LAMTOR2: variants seen among roughly 807,000 people sequenced by gnomAD.
LAMTOR2 encodes ragulator complex protein LAMTOR2.
A neutral mutation model predicts 15.8 loss-of-function variants in LAMTOR2; 4 were observed. That is an observed-to-expected ratio of 0.25 (90% CI 0.12 to 0.58). The LOEUF (loss-of-function observed/expected upper bound fraction) is 0.58, where lower values mean the gene tolerates loss of function less well. Ranked by LOEUF, LAMTOR2 falls within the 20% of genes least tolerant of loss-of-function variation. The pLI, the probability that LAMTOR2 is intolerant of heterozygous loss-of-function variation, is 0.91. For synonymous variants in LAMTOR2, 62 were observed against 64.1 expected, an observed-to-expected ratio of 0.97 and a Z score of 0.15; for missense variants, 100 against 161.0, an observed-to-expected ratio of 0.62 and a Z score of 2.05.
At chr1:156,056,101 T>C (rs1457270014) in intron 2 of LAMTOR2, 1 of 153,316 alleles carries the variant, frequency 6.5e-6, no homozygotes. Context: ...CTCCCTGGGC[T>C]CAGGTGATCC....
At chr1:156,057,928 G>A (rs764080780) in intron 2 of LAMTOR2, 50 bp from the exon 3 acceptor site, 1 of 1,547,394 alleles carries the variant, frequency 6.5e-7, no homozygotes, top group African/African-American at 1.4e-5. Flanking sequence ...GAAGGAGGGT[G>A]CTAAGGGTGC....
chr1:156,054,827 A>C lies in LAMTOR2; in HGVS notation c.-63A>C, dbSNP rs995068354. The C allele has an allele frequency of 1.3e-6, 2 of 1,513,920 alleles. No homozygotes were observed. Among genetic ancestry groups the C allele is most frequent in the Non-Finnish European group, 1.8e-6 (2 of 1,095,448 alleles). The allele number at this position is 1,513,920 out of a possible 1,614,324, so 93.8% of individuals were successfully genotyped here. On this transcript the variant is annotated 5_prime_UTR_variant, in exon 1 of 4. Coordinates refer to ENST00000368305, the MANE Select transcript of LAMTOR2 (RefSeq NM_014017.4). ...AACGGGACTACGGGAAGCAGCGGGC[A>C]GCGGCCCGCGGGAGGCACCTCGGAG...
chr1:156,056,983 G>T (rs1030439241), intron 2 of LAMTOR2, among the ~76,000 whole-genome samples: 34 of 151,554 alleles, frequency 2.2e-4, no homozygotes, highest in African/African-American at 7.3e-4. Context: ...TTCAAGACCA[G>T]CCTGGCCAAC....
chr1:156,055,318 G>T lies in LAMTOR2; in HGVS notation c.124G>T (p.Ala42Ser), dbSNP rs779488630. Residue 42 changes from alanine (A) to serine (S), a missense_variant, in exon 2 of 4, where the codon GCC (alanine) becomes TCC (serine). Ala to Ser is a moderately conservative substitution (Grantham distance 99). Transcript: ENST00000368305. The surrounding 1 kb of genome is among the most constrained non-coding windows in gnomAD (Gnocchi z 4.8). ...LAYSGYGDTD[A>S]RVTAAIASNI... ...CTACTCTGGTTACGGGGACACTGAC[G>T]CCCGGGTCACCGCTGCCATAGCCAG... 5 of 1,614,180 alleles carry T rather than the reference G, an allele frequency of 3.1e-6. No individual in the cohort carries two copies. The South Asian group carries it at 5.5e-5, about 18-fold the overall frequency.
At chr1:156,057,847 G>A (rs1572288542) in intron 2 of LAMTOR2, 131 bp from the exon 3 acceptor site, 7 of 864,660 alleles carry the variant, frequency 8.1e-6, no homozygotes, top group Middle Eastern at 2.3e-4. Context: ...AAGCTTTTCC[G>A]CTGAACTTCC....
At chr1:156,058,173 G>A in intron 3 of LAMTOR2, 106 bp downstream of exon 3, 1 of 1,496,354 alleles carries the variant, frequency 6.7e-7, no homozygotes, top group Admixed American at 1.7e-5. Flanking sequence ...TGTCTACTCA[G>A]TCCATTTCTG....
Position 156,055,156 on chromosome 1 carries a change from C to T in LAMTOR2, c.69-107C>T, listed in dbSNP as rs1647296066. 2 of 1,512,356 alleles carry T rather than the reference C, an allele frequency of 1.3e-6. No individual in the cohort carries two copies. Among genetic ancestry groups the T allele is most frequent in the East Asian group, 2.3e-5 (1 of 44,246 alleles). The allele number at this position is 1,512,356 out of a possible 1,614,324, so 93.7% of individuals were successfully genotyped here. A position where few individuals can be genotyped will look rare whatever the true frequency, so the allele number is the denominator to read the frequency against. On this transcript the variant is annotated intron_variant, in intron 1 of 3. Transcript: ENST00000368305. The surrounding 1 kb of genome is among the most constrained non-coding windows in gnomAD (Gnocchi z 4.8). ...CTTAGGGCATGTTCCGGGACACGCT[C>T]AGGCCAGAGCCTTGCTGGATGTGCC... is the stretch of plus-strand genomic sequence containing the variant.
intron 2 of LAMTOR2, 137 bp from the exon 3 acceptor site, chr1:156,057,841 T>C: frequency 1.2e-6 from 1 of 814,406 alleles, no homozygotes; most frequent in Non-Finnish European, 2.0e-6. Context: ...GGCCAAAAGC[T>C]TTTCCGCTGA....
chr1:156,056,629 G>A (rs972139169), intron 2 of LAMTOR2, among the ~76,000 whole-genome samples: 1 of 152,200 alleles, frequency 6.6e-6, no homozygotes, highest in Admixed American at 6.5e-5. Context: ...GAGAGGCAGG[G>A]AGTGCAGTGC....
At chr1:156,057,177 C>CAAAAAAA (rs1002332400) in intron 2 of LAMTOR2, among the ~76,000 whole-genome samples, 2 of 84,920 alleles carry the variant, frequency 2.4e-5, no homozygotes, top group African/African-American at 4.4e-5. Flanking sequence ...GACTCCATCT[C>CAAAAAAA]AAAAAAAAAA....
rs911109974 is a variant in LAMTOR2 at position 156,058,350 on chromosome 1, C to T, written c.357C>T (p.Leu119=). The T allele has an allele frequency of 2.5e-6, 4 of 1,614,024 alleles. No homozygotes were observed. The highest frequency in any genetic ancestry group is 3.4e-6 in the Non-Finnish European group (4 of 1,180,028). ...TGGTGCAGTACCTGGAGGAGCCCCT[C>T]ACCCAAGTGGCGGCATCTTAACGGC... is the stretch of plus-strand genomic sequence containing the variant. ...QALVQYLEEP[L]TQVAAS Residue 119 remains leucine, a synonymous_variant, in exon 4 of 4, where the codon CTC becomes CTT. Transcript: ENST00000368305.
Position 156,058,401 on chromosome 1 carries a change from G to A in LAMTOR2, c.*30G>A. The A allele has an allele frequency of 6.2e-7, 1 of 1,613,588 alleles. No individual in the cohort carries two copies. Among genetic ancestry groups the A allele is most frequent in the Non-Finnish European group, 8.5e-7 (1 of 1,179,536 alleles). ...ATTGGTGGAAGCTGGGGTCAGAAAA[G>A]AGAAATGACCATTTGGAGGGGCGGG... On this transcript the variant is annotated 3_prime_UTR_variant, in exon 4 of 4. Transcript: ENST00000368305.
chr1:156,055,483 C>G lies in LAMTOR2; in HGVS notation c.231+58C>G. On this transcript the variant is annotated intron_variant, in intron 2 of 3. Coordinates refer to ENST00000368305, the MANE Select transcript of LAMTOR2 (RefSeq NM_014017.4). This position sits in a 1 kb window ranked among gnomAD's most constrained non-coding sequence, Gnocchi z 4.8. ...CCCAAAGGGGATCCCAAGGGGGCGA[C>G]CTGGACCCCATCCTGGATGGTTGGA... 1.9e-6 allele frequency: 3 copies of G among 1,594,870 alleles called. No individual in the cohort carries two copies. In the South Asian group the frequency reaches 3.3e-5, roughly 18 times the overall value.
Position 156,055,118 on chromosome 1 carries a change from G to A in LAMTOR2, c.69-145G>A. 2 of 1,363,842 alleles carry A rather than the reference G, an allele frequency of 1.5e-6. No individual in the cohort carries two copies. The highest frequency in any genetic ancestry group is 1.4e-5 in the African/African-American group (1 of 69,906). 84.5% of individuals were successfully genotyped at this position (1,363,842 alleles called of 1,614,324 possible). A position where few individuals can be genotyped will look rare whatever the true frequency, so the allele number is the denominator to read the frequency against. ...AGGTCCCCTGTCGAAAAGGGAAGCC[G>A]GTGTGCTGGGTGCTTAGGGCATGTT... On this transcript the variant is annotated intron_variant, in intron 1 of 3. Transcript: ENST00000368305. The surrounding 1 kb of genome is among the most constrained non-coding windows in gnomAD (Gnocchi z 4.8).
intron 2 of LAMTOR2, among the ~76,000 whole-genome samples, chr1:156,056,982 A>C (rs1345407042): frequency 2.0e-5 from 3 of 151,954 alleles, no homozygotes; most frequent in Non-Finnish European, 4.4e-5. Flanking sequence ...GTTCAAGACC[A>C]GCCTGGCCAA....
intron 2 of LAMTOR2, among the ~76,000 whole-genome samples, chr1:156,057,569 G>A (rs955841141): frequency 6.6e-6 from 1 of 152,138 alleles, no homozygotes; most frequent in African/African-American, 2.4e-5. Flanking sequence ...TGGGAAAAGA[G>A]GAGAAATACC....
At chr1:156,054,989 C>A (rs1430670371) in intron 1 of LAMTOR2, 32 bp downstream of exon 1, 1 of 1,602,086 alleles carries the variant, frequency 6.2e-7, no homozygotes, top group Admixed American at 1.7e-5. Context: ...GAGCGGCGAG[C>A]GCTGCAGTGG....
In LAMTOR2 at chr1:156,054,854, T is replaced by G. The variant is rs781534003; in HGVS notation, c.-36T>G. On this transcript the variant is annotated 5_prime_UTR_variant, in exon 1 of 4. Transcript: ENST00000368305. Reference sequence around the variant, plus strand: ...CGGCCCGCGGGAGGCACCTCGGAGATCTGGGTGCAAAAGCCCAGGGTTAGG... The same window carrying G: ...CGGCCCGCGGGAGGCACCTCGGAGAGCTGGGTGCAAAAGCCCAGGGTTAGG... 2.5e-6 allele frequency: 4 copies of G among 1,606,628 alleles called. No individual in the cohort carries two copies. The highest frequency in any genetic ancestry group is 3.4e-6 in the Non-Finnish European group (4 of 1,175,336).
rs370557482 is a variant in LAMTOR2 at position 156,055,459 on chromosome 1, C to G, written c.231+34C>G. 1.9e-6 allele frequency: 3 copies of G among 1,613,304 alleles called. No individual in the cohort carries two copies. Among genetic ancestry groups the G allele is most frequent in the Non-Finnish European group, 2.5e-6 (3 of 1,179,414 alleles). On this transcript the variant is annotated intron_variant, in intron 2 of 3. Coordinates refer to ENST00000368305, the MANE Select transcript of LAMTOR2 (RefSeq NM_014017.4). The surrounding 1 kb of genome is among the most constrained non-coding windows in gnomAD (Gnocchi z 4.8). ...AGGGGAGCCAGACTTCCCCTGTCCC[C>G]CAAAGGGGATCCCAAGGGGGCGACC...
Sources: gnomAD v4.1 joint callset for allele counts (sites outside exome capture counted in the v4.1 genomes callset) on GRCh38, gnomAD v4.1.1 for gene constraint, Gnocchi (gnomAD v3.1) non-coding constraint, MANE v1.5 for transcripts, NCBI Gene and HGNC (gene_info 2026-07-23, HGNC 2026-07-21) for gene names.